MAP2: variants seen among roughly 807,000 people sequenced by gnomAD.
MAP2 encodes the protein microtubule-associated protein 2.
Under a neutral mutation model 137.6 loss-of-function variants are expected in MAP2, and 14 were observed. That is an observed-to-expected ratio of 0.10 (90% CI 0.07 to 0.16). The LOEUF (loss-of-function observed/expected upper bound fraction) is 0.16, where lower values mean the gene tolerates loss of function less well. Ranked by LOEUF, MAP2 falls within the 10% of genes least tolerant of loss-of-function variation. The pLI, the probability that MAP2 is intolerant of heterozygous loss-of-function variation, is 1.00. For missense variants in MAP2, 2,088 were observed against 2,191.5 expected (o/e 0.95, Z 0.94); for synonymous variants, 786 against 782.3 (o/e 1.00, Z -0.08).
chr2:209,432,020 A>G (rs1158648583), intron 1 of MAP2, among the ~76,000 whole-genome samples: 1 of 152,262 alleles, frequency 6.6e-6, no homozygotes, highest in East Asian at 1.9e-4. Flanking sequence ...TGGAAAGCCA[A>G]TGAGCTTTTC....
chr2:209,610,446 C>CT (rs200610671), intron 3 of MAP2, among the ~76,000 whole-genome samples: 303 of 145,530 alleles, frequency 2.1e-3, no homozygotes, highest in African/African-American at 2.9e-3. Flanking sequence ...ATTGTTTTTA[C>CT]TTTTTTTTTT....
chr2:209,558,796 T>C (rs543523809), intron 2 of MAP2, among the ~76,000 whole-genome samples: 2 of 152,034 alleles, frequency 1.3e-5, no homozygotes, highest in African/African-American at 2.4e-5. Context: ...CGTTAATGTT[T>C]CTGGAAATAC....
At chr2:209,604,506 G>T (rs944214709) in intron 3 of MAP2, among the ~76,000 whole-genome samples, 1 of 152,244 alleles carries the variant, frequency 6.6e-6, no homozygotes, top group East Asian at 1.9e-4. Flanking sequence ...CAGTTCAAAT[G>T]TAATTAGAAC....
At chr2:209,719,381 A>G (rs1290548155) in intron 13 of MAP2, among the ~76,000 whole-genome samples, 1 of 152,230 alleles carries the variant, frequency 6.6e-6, no homozygotes, top group Non-Finnish European at 1.5e-5. Flanking sequence ...AGTCAATTTA[A>G]AAATAAATCA....
chr2:209,488,600 G>T (rs1333640645), intron 1 of MAP2, among the ~76,000 whole-genome samples: 1 of 152,052 alleles, frequency 6.6e-6, no homozygotes, highest in Non-Finnish European at 1.5e-5. Context: ...AGCTTGGTGG[G>T]GGGAGGGGTG....
intron 5 of MAP2, among the ~76,000 whole-genome samples, chr2:209,674,634 G>A (rs746974400): frequency 6.8e-6 from 1 of 147,846 alleles, no homozygotes; most frequent in Non-Finnish European, 1.5e-5. Context: ...TGGATGGATG[G>A]ATGGATGGAT....
intron 1 of MAP2, among the ~76,000 whole-genome samples, chr2:209,454,630 C>G (rs940833910): frequency 1.3e-5 from 2 of 152,180 alleles, no homozygotes; most frequent in African/African-American, 4.8e-5. Context: ...AGCCACTGCA[C>G]CTGTCCTAAA....
rs368301391 is a variant in MAP2, at chr2:209,696,094, C to T, written c.3924C>T (p.Ser1308=). 1.7e-5 allele frequency: 27 copies of T among 1,613,756 alleles called. No homozygotes were observed. The highest frequency in any genetic ancestry group is 2.2e-5 in the East Asian group (1 of 44,860). ...TTDEGESGSH[S]VRFAALEQPE... is the part of the protein sequence containing the mutation. ...ATGAAGGGGAGTCAGGGTCCCACAG[C>T]GTGCGTTTTGCAGCCCTAGAGCAGC... Residue 1308 remains serine (S), a synonymous_variant, in exon 8 of 16, where the codon AGC becomes AGT. Transcript: ENST00000682079.
intron 2 of MAP2, among the ~76,000 whole-genome samples, chr2:209,531,689 T>C (rs1469240161): frequency 6.6e-6 from 1 of 152,198 alleles, no homozygotes; most frequent in Non-Finnish European, 1.5e-5. Flanking sequence ...CAAATAATGA[T>C]GTTTGTAATA....
chr2:209,446,693 A>G (rs1253864378), intron 1 of MAP2, among the ~76,000 whole-genome samples: 1 of 151,908 alleles, frequency 6.6e-6, no homozygotes, highest in African/African-American at 2.4e-5. Flanking sequence ...CCCATTTTGA[A>G]TAAGTACATC....
In MAP2 at chr2:209,456,552, A is replaced by G. The variant is rs972534617; in HGVS notation, c.-222+32276A>G. ...TATCTGTGATTAGGGAAAGCCTGCA[A>G]AGATACCAAGACATACAGACCATGT... On this transcript the variant is annotated intron_variant, in intron 1 of 15. Coordinates refer to ENST00000682079, the MANE Select transcript of MAP2 (RefSeq NM_001375505.1). Among the ~76,000 whole-genome samples, 6 of 152,310 alleles carry G rather than the reference A, an allele frequency of 3.9e-5. No homozygotes were observed. In the East Asian group the frequency reaches 9.6e-4, roughly 24 times the overall value.
chr2:209,632,198 A>G (rs2093135177), intron 4 of MAP2, among the ~76,000 whole-genome samples: 1 of 152,206 alleles, frequency 6.6e-6, no homozygotes, highest in South Asian at 2.1e-4. Context: ...AGTGGAAAAG[A>G]AACCTGTAGC....
intron 1 of MAP2, among the ~76,000 whole-genome samples, chr2:209,472,110 T>G (rs1705893143): frequency 6.6e-6 from 1 of 152,168 alleles, no homozygotes; most frequent in Admixed American, 6.5e-5. Context: ...TTTGTATATA[T>G]GAGGTTTACA....
intron 2 of MAP2, among the ~76,000 whole-genome samples, chr2:209,542,674 C>T (rs2067264099): frequency 2.0e-5 from 3 of 152,246 alleles, no homozygotes; most frequent in Non-Finnish European, 4.4e-5. Flanking sequence ...TCACCTTTAA[C>T]TTTTATGTTA....
At position 209,442,608 on chromosome 2, in the gene MAP2, G is replaced by A. The variant is rs143120036; in HGVS notation, c.-222+18332G>A. On this transcript the variant is annotated intron_variant, in intron 1 of 15. Transcript: ENST00000682079. ...CACTGGATGATCTTTTCCATTGTCCGATATTTAACAACCATTTGTATTCTG... is the reference window on the plus strand; with the variant it reads ...CACTGGATGATCTTTTCCATTGTCCAATATTTAACAACCATTTGTATTCTG... Among the ~76,000 whole-genome samples the A allele has an allele frequency of 3.3e-5, 5 of 151,568 alleles. No homozygotes were observed. The East Asian group carries it at 5.8e-4, about 18-fold the overall frequency.
At chr2:209,726,078 C>T (rs960770894) in intron 14 of MAP2, among the ~76,000 whole-genome samples, 3 of 152,082 alleles carry the variant, frequency 2.0e-5, no homozygotes, top group East Asian at 3.9e-4. Context: ...CTTTGAAATA[C>T]GTAGTCTATA....
chr2:209,446,985 C>CT (rs1449438649), intron 1 of MAP2, among the ~76,000 whole-genome samples: 1 of 151,902 alleles, frequency 6.6e-6, no homozygotes, highest in Non-Finnish European at 1.5e-5. Flanking sequence ...TCAAGATTAC[C>CT]TAGGACCTCT....
Position 209,659,023 on chromosome 2 carries a change from TAAG to T in MAP2, c.262+5596_262+5598del, listed in dbSNP as rs544036924. On this transcript the variant is annotated intron_variant, in intron 5 of 15. Transcript: ENST00000682079. ...GTCATTAGTGTCTTCTTTTTACAAA[TAAG>T]AAGACTAAGGCACAGAATGGCTGAG... is the stretch of plus-strand genomic sequence containing the variant. Among the ~76,000 whole-genome samples, 80 of 152,292 alleles carry T rather than the reference TAAG, an allele frequency of 5.3e-4. 1 individual carries two copies. In the South Asian group the frequency reaches 0.01, roughly 19 times the overall value.
intron 4 of MAP2, among the ~76,000 whole-genome samples, chr2:209,652,861 G>A (rs1041792081): frequency 6.6e-6 from 1 of 151,868 alleles, no homozygotes; most frequent in Non-Finnish European, 1.5e-5. Flanking sequence ...TTGTTGTTTG[G>A]TTTTTTGTTT....
Sources: allele counts gnomAD v4.1 joint callset (sites outside exome capture counted in the v4.1 genomes callset), GRCh38; gene constraint gnomAD v4.1.1; transcripts MANE v1.5; gene names NCBI Gene and HGNC (gene_info 2026-07-23, HGNC 2026-07-21).